Variants in ZDHHC21 observed in about 807,000 individuals in gnomAD.
ZDHHC21 encodes palmitoyltransferase ZDHHC21.
A neutral mutation model predicts 34.6 loss-of-function variants in ZDHHC21; 15 were observed. The ratio of observed to expected loss-of-function variants is 0.43; its 90% CI spans 0.29 to 0.67. The LOEUF (loss-of-function observed/expected upper bound fraction) is 0.67. Ranked by LOEUF, ZDHHC21 falls within the 30% of genes least tolerant of loss-of-function variation. The pLI is 0.14. For missense variants in ZDHHC21, 344 were observed against 327.7 expected (o/e 1.05, Z -0.38); for synonymous variants, 142 against 101.8 (o/e 1.40, Z -2.38).
chr9:14,684,885 CA>C (rs1838032428), intron 2 of ZDHHC21, among the ~76,000 whole-genome samples: 1 of 152,162 alleles, frequency 6.6e-6, no homozygotes, highest in South Asian at 2.1e-4. Flanking sequence ...ACAGAGCCCC[CA>C]GAAATAATAG....
chr9:14,632,040 C>A (rs927977402), intron 8 of ZDHHC21, among the ~76,000 whole-genome samples: 1 of 148,436 alleles, frequency 6.7e-6, no homozygotes, highest in East Asian at 2.0e-4. Context: ...TGCCACAAAC[C>A]TTCAACTAGT....
At chr9:14,664,762 T>C (rs368480536) in intron 5 of ZDHHC21, among the ~76,000 whole-genome samples, 24 of 151,852 alleles carry the variant, frequency 1.6e-4, no homozygotes, top group Admixed American at 9.2e-4. Flanking sequence ...CAGCAGGGTA[T>C]TCCAACAGAC....
chr9:14,681,624 A>C (rs1398034704), intron 2 of ZDHHC21, among the ~76,000 whole-genome samples: 1 of 152,132 alleles, frequency 6.6e-6, no homozygotes, highest in Non-Finnish European at 1.5e-5. Context: ...CTGATAAAGC[A>C]CTGACATTGA....
At chr9:14,638,851 G>C (rs1360662627) in intron 8 of ZDHHC21, among the ~76,000 whole-genome samples, 3 of 151,952 alleles carry the variant, frequency 2.0e-5, no homozygotes, top group African/African-American at 4.8e-5. Context: ...AGGACAAAAA[G>C]TAACAGATGC....
intron 5 of ZDHHC21, 70 bp downstream of exon 5, chr9:14,672,760 G>T: frequency 9.8e-7 from 1 of 1,020,608 alleles, no homozygotes; most frequent in South Asian, 1.7e-5. Context: ...ATATATTAAA[G>T]GCAATAAAAT....
chr9:14,677,204 T>A (rs1055433449), intron 3 of ZDHHC21, among the ~76,000 whole-genome samples: 4 of 151,960 alleles, frequency 2.6e-5, no homozygotes, highest in Admixed American at 6.6e-5. Flanking sequence ...GATGACACTC[T>A]CTAAAAGAGC....
At chr9:14,671,760 A>G (rs1303828264) in intron 5 of ZDHHC21, among the ~76,000 whole-genome samples, 2 of 152,156 alleles carry the variant, frequency 1.3e-5, no homozygotes, top group Non-Finnish European at 2.9e-5. Flanking sequence ...GGCATACAAA[A>G]ACCCATAGAA....
intron 3 of ZDHHC21, among the ~76,000 whole-genome samples, chr9:14,679,061 T>A (rs561169755): frequency 6.6e-6 from 1 of 152,210 alleles, no homozygotes; most frequent in Admixed American, 6.6e-5. Context: ...CTATTGATAA[T>A]GGAGTCTGAG....
At chr9:14,645,034 G>C (rs1830055903) in intron 7 of ZDHHC21, among the ~76,000 whole-genome samples, 1 of 151,942 alleles carries the variant, frequency 6.6e-6, no homozygotes, top group Admixed American at 6.6e-5. Context: ...CTTAGAGGGA[G>C]AAAAAAAGTC....
chr9:14,650,452 T>C (rs1350653610), intron 7 of ZDHHC21, among the ~76,000 whole-genome samples: 1 of 152,000 alleles, frequency 6.6e-6, no homozygotes, highest in South Asian at 2.1e-4. Flanking sequence ...TAAATGTGTA[T>C]TTTAGCAATT....
rs183184544 is a variant in ZDHHC21, at chr9:14,614,940, C to G, written c.*4026G>C. 1 of 151,626 alleles carries G rather than the reference C, an allele frequency of 6.6e-6. No individual in the cohort carries two copies. Among genetic ancestry groups the G allele is most frequent in the Non-Finnish European group, 1.5e-5 (1 of 67,616 alleles). The allele number at this position is 151,626 out of a possible 1,614,324, so 9.4% of individuals were successfully genotyped here. A position where few individuals can be genotyped will look rare whatever the true frequency, so the allele number is the denominator to read the frequency against. On this transcript the variant is annotated 3_prime_UTR_variant, in exon 10 of 10. Transcript: ENST00000380916. ...AATAAAGTAACTATAGGTTATTAAA[C>G]TTGGTAAACTTGAGCTAAGTAATCT...
At chr9:14,672,802 C>T (rs1835714163) in intron 5 of ZDHHC21, 28 bp downstream of exon 5, 1 of 1,497,490 alleles carries the variant, frequency 6.7e-7, no homozygotes. Context: ...CTGGCATCAG[C>T]AAAACTGATA....
intron 7 of ZDHHC21, among the ~76,000 whole-genome samples, chr9:14,654,097 T>G (rs1235548015): frequency 6.6e-6 from 1 of 151,852 alleles, no homozygotes; most frequent in Middle Eastern, 3.2e-3. Flanking sequence ...ACTCAGAACA[T>G]CCTGCAAAAT....
chr9:14,627,075 G>C (rs573631627), intron 8 of ZDHHC21, among the ~76,000 whole-genome samples: 1 of 152,218 alleles, frequency 6.6e-6, no homozygotes, highest in East Asian at 1.9e-4. Context: ...GTTATAAAGA[G>C]TGTACTGAAT....
intron 6 of ZDHHC21, 108 bp downstream of exon 6, chr9:14,662,107 G>A: frequency 3.1e-6 from 2 of 651,124 alleles, no homozygotes; most frequent in Non-Finnish European, 2.5e-6. Context: ...TTAAGATATT[G>A]TAAAACTATA....
At chr9:14,593,223 T>C in the ZDHHC21 span, among the ~76,000 whole-genome samples, 1 of 151,816 alleles carries the variant, frequency 6.6e-6, no homozygotes, top group Non-Finnish European at 1.5e-5. Flanking sequence ...TTTAAACAGA[T>C]TAACAAAATT....
chr9:14,650,433 C>A (rs935416953), intron 7 of ZDHHC21, among the ~76,000 whole-genome samples: 3 of 151,838 alleles, frequency 2.0e-5, no homozygotes, highest in Admixed American at 6.6e-5. Context: ...TTCCAAAAAT[C>A]TAAAAAGCTA....
chr9:14,599,600 C>T, the ZDHHC21 span, among the ~76,000 whole-genome samples: 1 of 151,382 alleles, frequency 6.6e-6, no homozygotes, highest in East Asian at 1.9e-4. Context: ...GTCAGCAAGA[C>T]AGAATTGTTC....
chr9:14,589,016 G>A, the ZDHHC21 span: 2 of 126,200 alleles, frequency 1.6e-5, no homozygotes, highest in Non-Finnish European at 3.3e-5. Flanking sequence ...CAACCAAGCA[G>A]GTAATACAAT....
Sources: allele counts gnomAD v4.1 joint callset (sites outside exome capture counted in the v4.1 genomes callset), GRCh38; gene constraint gnomAD v4.1.1; transcripts MANE v1.5; gene names NCBI Gene and HGNC (gene_info 2026-07-23, HGNC 2026-07-21).